The following PCSK2 variants were observed in gnomAD, a reference collection of about 807,000 sequenced individuals.
PCSK2 encodes neuroendocrine convertase 2.
A neutral mutation model predicts 69.7 loss-of-function variants in PCSK2; 14 were observed. That is an observed-to-expected ratio of 0.20 (90% confidence interval 0.13 to 0.31). The LOEUF (loss-of-function observed/expected upper bound fraction) is 0.31, where lower values mean the gene tolerates loss of function less well. Among genes scored for constraint, PCSK2 ranks in the 10% least tolerant of loss-of-function variants. PCSK2 has a pLI of 1.00. For synonymous variants in PCSK2, 307 were observed against 320.7 expected, an observed-to-expected ratio of 0.96 and a Z score of 0.46; for missense variants, 544 against 842.5, an observed-to-expected ratio of 0.65 and a Z score of 4.39.
At chr20:17,326,884 G>A (rs1261314340) in intron 2 of PCSK2, among the ~76,000 whole-genome samples, 1 of 152,170 alleles carries the variant, frequency 6.6e-6, no homozygotes, top group Admixed American at 6.5e-5. Flanking sequence ...CAATCCGGGG[G>A]AGGCCAGCTG....
intron 9 of PCSK2, 92 bp downstream of exon 9, chr20:17,454,049 G>A: frequency 6.5e-7 from 1 of 1,542,176 alleles, no homozygotes; most frequent in Non-Finnish European, 8.8e-7. Flanking sequence ...CTCCCCTCCT[G>A]TCCCCTCCCT....
intron 1 of PCSK2, among the ~76,000 whole-genome samples, chr20:17,237,492 A>G (rs1179305415): frequency 6.6e-6 from 1 of 152,210 alleles, no homozygotes; most frequent in Non-Finnish European, 1.5e-5. Flanking sequence ...TTGGACGGTT[A>G]GAGATATGGA....
At chr20:17,414,755 T>C (rs772032190) in intron 6 of PCSK2, among the ~76,000 whole-genome samples, 2 of 152,118 alleles carry the variant, frequency 1.3e-5, no homozygotes, top group African/African-American at 4.8e-5. Context: ...TAGACCAATG[T>C]CCCTGATGAA....
At chr20:17,474,493 A>G (rs778039184) in intron 11 of PCSK2, among the ~76,000 whole-genome samples, 2 of 152,144 alleles carry the variant, frequency 1.3e-5, no homozygotes, top group Non-Finnish European at 1.5e-5. Context: ...CCTCTATCAC[A>G]AATGCACACC....
intron 2 of PCSK2, among the ~76,000 whole-genome samples, chr20:17,327,467 C>T (rs143921186): frequency 6.6e-6 from 1 of 152,282 alleles, no homozygotes; most frequent in East Asian, 1.9e-4. Context: ...ATCCTGTATC[C>T]TCCAAAGATT....
chr20:17,270,465 T>G (rs1387589536), intron 2 of PCSK2, among the ~76,000 whole-genome samples: 1 of 152,120 alleles, frequency 6.6e-6, no homozygotes, highest in African/African-American at 2.4e-5. Flanking sequence ...GGCAAAGAGA[T>G]TCATGTCTGA....
intron 8 of PCSK2, among the ~76,000 whole-genome samples, chr20:17,443,861 T>A (rs1236683038): frequency 6.6e-6 from 1 of 152,248 alleles, no homozygotes; most frequent in African/African-American, 2.4e-5. Context: ...GATCTTCAGA[T>A]GACAGCAAGT....
intron 11 of PCSK2, among the ~76,000 whole-genome samples, chr20:17,467,543 T>C (rs1021696473): frequency 6.6e-6 from 1 of 152,190 alleles, no homozygotes; most frequent in Non-Finnish European, 1.5e-5. Flanking sequence ...GATGACAAAG[T>C]CCGAGGAGGA....
chr20:17,395,614 C>A (rs540116843), intron 5 of PCSK2, among the ~76,000 whole-genome samples: 33 of 152,256 alleles, frequency 2.2e-4, no homozygotes, highest in African/African-American at 7.2e-4. Context: ...ATTTAATTCT[C>A]AAAACTGCTG....
chr20:17,347,914 A>G (rs1990717584), intron 2 of PCSK2, among the ~76,000 whole-genome samples: 2 of 113,640 alleles, frequency 1.8e-5, no homozygotes, highest in African/African-American at 7.0e-5. Flanking sequence ...GAAAGAAAGA[A>G]AGAAAGGAGA....
At chr20:17,297,250 G>C (rs770668625) in intron 2 of PCSK2, among the ~76,000 whole-genome samples, 9 of 152,218 alleles carry the variant, frequency 5.9e-5, no homozygotes, top group Non-Finnish European at 1.2e-4. Flanking sequence ...AGACAGAGAC[G>C]TGGAGTCCAG....
chr20:17,282,589 T>C (rs911979132), intron 2 of PCSK2, among the ~76,000 whole-genome samples: 8 of 152,138 alleles, frequency 5.3e-5, no homozygotes, highest in African/African-American at 1.9e-4. Flanking sequence ...CTTATTTCTG[T>C]AGCTCAGGAT....
At chr20:17,244,305 T>A (rs887643367) in intron 1 of PCSK2, among the ~76,000 whole-genome samples, 1 of 152,214 alleles carries the variant, frequency 6.6e-6, no homozygotes, top group East Asian at 1.9e-4. Context: ...AATGTGTACA[T>A]TGATGCAAAA....
At chr20:17,479,656 G>T (rs1348898001) in intron 11 of PCSK2, among the ~76,000 whole-genome samples, 1 of 151,878 alleles carries the variant, frequency 6.6e-6, no homozygotes, top group East Asian at 1.9e-4. Context: ...ATAATTACCC[G>T]GGCACAGTGG....
chr20:17,237,488 G>A (rs556063006), intron 1 of PCSK2, among the ~76,000 whole-genome samples: 2 of 152,214 alleles, frequency 1.3e-5, no homozygotes, highest in East Asian at 1.9e-4. Context: ...GAACTTGGAC[G>A]GTTAGAGATA....
At chr20:17,471,684 C>G (rs1427284814) in intron 11 of PCSK2, among the ~76,000 whole-genome samples, 1 of 152,234 alleles carries the variant, frequency 6.6e-6, no homozygotes, top group Admixed American at 6.5e-5. Flanking sequence ...CGTCCACCCC[C>G]ACACCAGAAC....
chr20:17,333,002 T>C (rs1324612678), intron 2 of PCSK2, among the ~76,000 whole-genome samples: 2 of 152,304 alleles, frequency 1.3e-5, no homozygotes, highest in East Asian at 1.9e-4. Context: ...AAGAACATCA[T>C]TGGGACAATT....
chr20:17,480,012 G>T (rs2033366888), intron 11 of PCSK2, among the ~76,000 whole-genome samples: 1 of 151,640 alleles, frequency 6.6e-6, no homozygotes, highest in South Asian at 2.1e-4. Flanking sequence ...GAACCTTTGA[G>T]CTTCTCCCAC....
At chr20:17,278,333 A>T (rs1157143495) in intron 2 of PCSK2, among the ~76,000 whole-genome samples, 1 of 152,234 alleles carries the variant, frequency 6.6e-6, no homozygotes, top group Non-Finnish European at 1.5e-5. Context: ...ATGTCCAACA[A>T]TGATAGGCTG....
Sources: gnomAD v4.1 joint callset for allele counts (sites outside exome capture counted in the v4.1 genomes callset) on GRCh38, gnomAD v4.1.1 for gene constraint, MANE v1.5 for transcripts, NCBI Gene and HGNC (gene_info 2026-07-23, HGNC 2026-07-21) for gene names.